ADAMTS19: variants seen among roughly 807,000 people sequenced by gnomAD.
ADAMTS19 encodes A disintegrin and metalloproteinase with thrombospondin motifs 19.
Under a neutral mutation model 153.3 loss-of-function variants are expected in ADAMTS19, and 93 were observed. The ratio of observed to expected loss-of-function variants is 0.61; its 90% CI spans 0.51 to 0.72. The LOEUF is 0.72. Among genes scored for constraint, ADAMTS19 ranks in the 30% least tolerant of loss-of-function variants. The pLI is 0.00. For missense variants in ADAMTS19, 1,482 were observed against 1,552.1 expected, an observed-to-expected ratio of 0.95 and a Z score of 0.76; for synonymous variants, 600 against 556.6, an observed-to-expected ratio of 1.08 and a Z score of -1.10.
At chr5:129,553,520 T>G (rs1000401269) in intron 7 of ADAMTS19, among the ~76,000 whole-genome samples, 1 of 152,184 alleles carries the variant, frequency 6.6e-6, no homozygotes, top group Admixed American at 6.6e-5. Context: ...TCTTTGGCTC[T>G]GTTTGTCCTG....
Position 129,461,884 on chromosome 5 carries a change from C to T in ADAMTS19, c.747+127C>T, listed in dbSNP as rs927540862. 6.1e-6 allele frequency: 8 copies of T among 1,317,558 alleles called. No homozygotes were observed. The Admixed American group carries it at 2.1e-4, about 35-fold the overall frequency. 81.6% of individuals were successfully genotyped at this position (1,317,558 alleles called of 1,614,324 possible). A position where few individuals can be genotyped will look rare whatever the true frequency, so the allele number is the denominator to read the frequency against. Reference sequence around the variant, plus strand: ...TCCTTTTGAGCTTGGCCCTAGACTGCACCCCCAGGTGTCTACATCGTTTGC... The same window carrying T: ...TCCTTTTGAGCTTGGCCCTAGACTGTACCCCCAGGTGTCTACATCGTTTGC... On this transcript the variant is annotated intron_variant, in intron 2 of 22. Transcript: ENST00000274487. The surrounding 1 kb of genome is among the most constrained non-coding windows in gnomAD (Gnocchi z 4.6).
chr5:129,475,355 A>G (rs1007860022), intron 2 of ADAMTS19, among the ~76,000 whole-genome samples: 3 of 152,160 alleles, frequency 2.0e-5, no homozygotes, highest in Admixed American at 6.5e-5. Context: ...ATGAAATGCC[A>G]TAGCATTTTT....
intron 22 of ADAMTS19, 100 bp downstream of exon 22, chr5:129,735,209 A>G: frequency 8.6e-7 from 1 of 1,164,828 alleles, no homozygotes. Context: ...TTGTAAATCT[A>G]TACTGATTAT....
chr5:129,665,607 A>G (rs1178728212), intron 16 of ADAMTS19, 28 bp downstream of exon 16: 2 of 1,563,276 alleles, frequency 1.3e-6, no homozygotes, highest in South Asian at 2.3e-5. Context: ...CACAGAGAAG[A>G]TCCAAGTACG....
chr5:129,647,434 T>A (rs1347590704), intron 11 of ADAMTS19, among the ~76,000 whole-genome samples: 1 of 152,134 alleles, frequency 6.6e-6, no homozygotes, highest in Non-Finnish European at 1.5e-5. Flanking sequence ...ATCGGTTTCT[T>A]AAATGTGTTG....
intron 17 of ADAMTS19, among the ~76,000 whole-genome samples, chr5:129,681,547 CAGATTAA>C (rs1754812929): frequency 6.6e-6 from 1 of 152,048 alleles, no homozygotes; most frequent in African/African-American, 2.4e-5. Context: ...CTCTAGTTTA[CAGATTAA>C]AAAGAATTAA....
In ADAMTS19 at chr5:129,704,225, A is replaced by G; in HGVS notation, c.3160-14A>G. ...TCACCAACTTTATCTAAAACCTCTG[A>G]TGTTATCTTCCAGTGTTCAGTCAAG... On this transcript the variant is annotated splice_polypyrimidine_tract_variant and intron_variant, in intron 20 of 22. Coordinates refer to ENST00000274487, the MANE Select transcript of ADAMTS19 (RefSeq NM_133638.6). 1 of 1,609,328 alleles carries G rather than the reference A, an allele frequency of 6.2e-7. No individual in the cohort carries two copies. The highest frequency in any genetic ancestry group is 8.5e-7 in the Non-Finnish European group (1 of 1,177,958).
chr5:129,547,154 A>AAG (rs1213358151), intron 6 of ADAMTS19, among the ~76,000 whole-genome samples: 1 of 150,638 alleles, frequency 6.6e-6, no homozygotes, highest in Non-Finnish European at 1.5e-5. Flanking sequence ...GTGTGAGGAA[A>AAG]AGAGAGAGAG....
At chr5:129,698,159 T>A (rs1755649342) in intron 19 of ADAMTS19, among the ~76,000 whole-genome samples, 1 of 152,228 alleles carries the variant, frequency 6.6e-6, no homozygotes, top group Non-Finnish European at 1.5e-5. Flanking sequence ...ACTGGAAGTC[T>A]TTTTGTTAGA....
intron 2 of ADAMTS19, among the ~76,000 whole-genome samples, chr5:129,485,194 AAAAGATCCTT>A (rs1750549251): frequency 6.6e-6 from 1 of 152,172 alleles, no homozygotes; most frequent in African/African-American, 2.4e-5. Context: ...ATGAATCACA[AAAAGATCCTT>A]AAATATTACT....
intron 6 of ADAMTS19, among the ~76,000 whole-genome samples, chr5:129,540,946 T>A (rs10072248): frequency 6.6e-6 from 1 of 151,890 alleles, no homozygotes; most frequent in Non-Finnish European, 1.5e-5. Context: ...TGAATCCACA[T>A]GATCAAAGGT....
At chr5:129,678,361 T>C (rs748507658) in intron 16 of ADAMTS19, among the ~76,000 whole-genome samples, 7 of 152,134 alleles carry the variant, frequency 4.6e-5, no homozygotes, top group African/African-American at 7.2e-5. Context: ...CAGAGGAGCC[T>C]CTTTCAACTC....
intron 8 of ADAMTS19, among the ~76,000 whole-genome samples, chr5:129,612,935 C>G (rs1751306066): frequency 1.3e-5 from 2 of 151,976 alleles, no homozygotes; most frequent in African/African-American, 4.8e-5. Context: ...TCAAAAGAGA[C>G]AAAGAAGGCA....
intron 6 of ADAMTS19, among the ~76,000 whole-genome samples, chr5:129,534,514 T>C (rs561794454): frequency 2.0e-5 from 3 of 152,248 alleles, no homozygotes; most frequent in Admixed American, 1.3e-4. Context: ...GCTGGTACCA[T>C]TCCTTCTGTA....
chr5:129,698,768 T>A (rs1755686379), intron 19 of ADAMTS19, among the ~76,000 whole-genome samples: 1 of 152,202 alleles, frequency 6.6e-6, no homozygotes, highest in South Asian at 2.1e-4. Context: ...GTAGATGGAC[T>A]TAGATTGGGA....
Position 129,704,287 on chromosome 5 carries a change from ACCAACCCAAGAAAGAAG to A in ADAMTS19, c.3209_3225del (p.Thr1070MetfsTer11). On this transcript the variant is annotated frameshift_variant, in exon 21 of 23. Transcript: ENST00000274487. LOFTEE classifies it high-confidence loss of function. ...CATACGTCATCGGACCGTTAGATGTACCAACCCAAGAAAGAAGTGTGTCCTCTCTACCAGACCCAGGG... is the reference window on the plus strand; with the variant it reads ...CATACGTCATCGGACCGTTAGATGTATGTGTCCTCTCTACCAGACCCAGGG... The A allele has an allele frequency of 6.2e-7, 1 of 1,614,124 alleles. No individual in the cohort carries two copies. Among genetic ancestry groups the A allele is most frequent in the Non-Finnish European group, 8.5e-7 (1 of 1,180,002 alleles).
chr5:129,465,638 G>C (rs1023646766), intron 2 of ADAMTS19, among the ~76,000 whole-genome samples: 1 of 152,070 alleles, frequency 6.6e-6, no homozygotes, highest in Non-Finnish European at 1.5e-5. Flanking sequence ...CTCCCATTTA[G>C]ACAAGGCAGT....
intron 7 of ADAMTS19, among the ~76,000 whole-genome samples, chr5:129,570,981 G>GA (rs1321935563): frequency 2.6e-5 from 4 of 151,930 alleles, no homozygotes; most frequent in African/African-American, 7.2e-5. Context: ...ATTTAATGGT[G>GA]AAAAAACGAA....
At chr5:129,506,371 A>C (rs770771013) in intron 2 of ADAMTS19, among the ~76,000 whole-genome samples, 1 of 152,236 alleles carries the variant, frequency 6.6e-6, no homozygotes, top group Non-Finnish European at 1.5e-5. Flanking sequence ...GTCACCACTT[A>C]TAATTATTCC....
Sources: gnomAD v4.1 joint callset for allele counts (sites outside exome capture counted in the v4.1 genomes callset) on GRCh38, gnomAD v4.1.1 for gene constraint, Gnocchi (gnomAD v3.1) non-coding constraint, MANE v1.5 for transcripts, NCBI Gene and HGNC (gene_info 2026-07-23, HGNC 2026-07-21) for gene names.